EXT1: variants seen among roughly 807,000 people sequenced by gnomAD.
EXT1 encodes the protein exostosin-1.
EXT1 carries 20 observed loss-of-function variants against 82.5 expected under a neutral mutation model. That is an observed-to-expected ratio of 0.24 (90% CI 0.17 to 0.35). The LOEUF (loss-of-function observed/expected upper bound fraction) is 0.35, where lower values mean the gene tolerates loss of function less well. Among genes scored for constraint, EXT1 ranks in the 10% least tolerant of loss-of-function variants. The pLI is 1.00. For missense variants in EXT1, 757 were observed against 936.5 expected, an observed-to-expected ratio of 0.81 and a Z score of 2.50; for synonymous variants, 348 against 350.8, an observed-to-expected ratio of 0.99 and a Z score of 0.09.
In EXT1 at chr8:118,087,679, GA is replaced by G. The variant is rs562068012; in HGVS notation, c.962+22405del. 4.6e-4 allele frequency among the ~76,000 whole-genome samples: 70 copies of G among 151,878 alleles called. 1 individual carries two copies. Among genetic ancestry groups the G allele is most frequent in the African/African-American group, 1.6e-3 (67 of 41,454 alleles). On this transcript the variant is annotated intron_variant, in intron 1 of 10. Coordinates refer to ENST00000378204, the MANE Select transcript of EXT1 (RefSeq NM_000127.3). Reference sequence around the variant, plus strand: ...TTAATGACAAACTTTTACTACAACAGAAAAAAAATTTTTTAATAAAAGATAA... The same window carrying G: ...TTAATGACAAACTTTTACTACAACAGAAAAAAATTTTTTAATAAAAGATAA...
chr8:117,901,301 C>A (rs530964423), intron 1 of EXT1, among the ~76,000 whole-genome samples: 2 of 152,308 alleles, frequency 1.3e-5, no homozygotes, highest in Non-Finnish European at 2.9e-5. Flanking sequence ...TTACTATGGG[C>A]AGTTGTAACA....
At chr8:117,893,077 A>ACACATTAT (rs1377384713) in intron 1 of EXT1, among the ~76,000 whole-genome samples, 1 of 152,258 alleles carries the variant, frequency 6.6e-6, no homozygotes, top group Non-Finnish European at 1.5e-5. Context: ...ACATTACAGT[A>ACACATTAT]CACATTATAT....
chr8:117,920,131 G>A (rs1813826569), intron 1 of EXT1, among the ~76,000 whole-genome samples: 1 of 152,188 alleles, frequency 6.6e-6, no homozygotes, highest in Non-Finnish European at 1.5e-5. Flanking sequence ...TTGAGACAGA[G>A]TCTCAATCTG....
intron 1 of EXT1, among the ~76,000 whole-genome samples, chr8:117,867,188 G>A (rs1812787732): frequency 6.6e-6 from 1 of 150,938 alleles, no homozygotes; most frequent in South Asian, 2.1e-4. Context: ...GAACCCAGGA[G>A]GCAGAAGGTG....
intron 1 of EXT1, among the ~76,000 whole-genome samples, chr8:118,041,998 C>A (rs1816540842): frequency 6.6e-6 from 1 of 151,768 alleles, no homozygotes; most frequent in Non-Finnish European, 1.5e-5. Flanking sequence ...GCCAACATCA[C>A]ATCTGTCACC....
At chr8:117,819,216 G>A (rs145887174) in intron 6 of EXT1, among the ~76,000 whole-genome samples, 24 of 152,248 alleles carry the variant, frequency 1.6e-4, no homozygotes, top group African/African-American at 5.3e-4. Context: ...AGGCATAATC[G>A]TCTGCTCCCA....
chr8:117,815,189 G>A (rs1469684652), intron 7 of EXT1, among the ~76,000 whole-genome samples: 1 of 152,200 alleles, frequency 6.6e-6, no homozygotes, highest in African/African-American at 2.4e-5. Flanking sequence ...TGCCAGCTTA[G>A]CACTGCCCTG....
chr8:117,945,385 T>C (rs553003637), intron 1 of EXT1, among the ~76,000 whole-genome samples: 1 of 152,286 alleles, frequency 6.6e-6, no homozygotes, highest in African/African-American at 2.4e-5. Flanking sequence ...GATTTTTTAG[T>C]CTAGTTCTTT....
intron 1 of EXT1, among the ~76,000 whole-genome samples, chr8:118,018,329 TACACACGG>T (rs1384796856): frequency 1.3e-5 from 2 of 152,016 alleles, no homozygotes; most frequent in African/African-American, 4.8e-5. Flanking sequence ...TGTATGCACA[TACACACGG>T]GAAAAAACAG....
Position 117,822,459 on chromosome 8 carries a change from A to T in EXT1, c.1417+6T>A. On this transcript the variant is annotated splice_donor_region_variant and intron_variant, in intron 5 of 10. Coordinates refer to ENST00000378204, the MANE Select transcript of EXT1 (RefSeq NM_000127.3). The stretch of plus-strand genomic sequence containing the variant: ...AAGGGCAACTCCCTGGAGGAAATTC[A>T]CTTACCTAAATTAGCATAGTAGTAA... The T allele has an allele frequency of 6.2e-7, 1 of 1,612,790 alleles. No homozygotes were observed. Among genetic ancestry groups the T allele is most frequent in the Non-Finnish European group, 8.5e-7 (1 of 1,179,616 alleles).
intron 1 of EXT1, among the ~76,000 whole-genome samples, chr8:117,898,734 C>T (rs188391168): frequency 1.3e-5 from 2 of 151,960 alleles, no homozygotes; most frequent in African/African-American, 4.8e-5. Flanking sequence ...CAGGGAAATG[C>T]AAGCATAGAT....
intron 1 of EXT1, among the ~76,000 whole-genome samples, chr8:117,938,023 A>G (rs1351211820): frequency 6.6e-6 from 1 of 152,218 alleles, no homozygotes; most frequent in Non-Finnish European, 1.5e-5. Flanking sequence ...AGACACCTCA[A>G]TAGGAAATAT....
intron 3 of EXT1, 28 bp downstream of exon 3, chr8:117,835,416 G>T: frequency 6.6e-7 from 1 of 1,523,164 alleles, no homozygotes; most frequent in Non-Finnish European, 9.1e-7. Context: ...ATCTGCTGAT[G>T]TGTTGAAGGC....
intron 1 of EXT1, among the ~76,000 whole-genome samples, chr8:118,066,462 G>A (rs891706639): frequency 7.9e-5 from 12 of 151,772 alleles, no homozygotes; most frequent in Admixed American, 7.9e-4. Context: ...CGGTTCAAGC[G>A]ATTCTCCTGC....
At chr8:117,904,991 CT>C (rs1813516973) in intron 1 of EXT1, among the ~76,000 whole-genome samples, 2 of 152,208 alleles carry the variant, frequency 1.3e-5, no homozygotes, top group African/African-American at 4.8e-5. Context: ...GATGTGTGAA[CT>C]TTTTTTGGAT....
At chr8:118,059,330 G>A (rs952798838) in intron 1 of EXT1, among the ~76,000 whole-genome samples, 1 of 152,138 alleles carries the variant, frequency 6.6e-6, no homozygotes, top group African/African-American at 2.4e-5. Context: ...CTATGGTCCT[G>A]GGGTACGGCT....
At chr8:118,007,937 G>C (rs1228238099) in intron 1 of EXT1, among the ~76,000 whole-genome samples, 1 of 152,172 alleles carries the variant, frequency 6.6e-6, no homozygotes, top group African/African-American at 2.4e-5. Flanking sequence ...TGGCAGAGGA[G>C]GCACGCAGGT....
intron 1 of EXT1, among the ~76,000 whole-genome samples, chr8:117,911,854 A>G (rs1160424110): frequency 6.6e-6 from 1 of 152,234 alleles, no homozygotes; most frequent in Non-Finnish European, 1.5e-5. Context: ...AGCACTCAGT[A>G]AATATTTGTT....
At chr8:117,849,648 A>C (rs767255087) in intron 1 of EXT1, among the ~76,000 whole-genome samples, 5 of 152,260 alleles carry the variant, frequency 3.3e-5, no homozygotes, top group Non-Finnish European at 5.9e-5. Flanking sequence ...TGAAAGCAAG[A>C]GCCCAATAAA....
Sources: allele counts gnomAD v4.1 joint callset (sites outside exome capture counted in the v4.1 genomes callset), GRCh38; gene constraint gnomAD v4.1.1; transcripts MANE v1.5; gene names NCBI Gene and HGNC (gene_info 2026-07-23, HGNC 2026-07-21).